TEX9: variants seen among roughly 807,000 people sequenced by gnomAD.
TEX9 encodes testis-expressed protein 9.
In TEX9, 74 loss-of-function variants were observed where a neutral mutation model predicts 59.6. That is an observed-to-expected ratio of 1.24 (90% CI 1.03 to 1.51). TEX9 has a LOEUF of 1.51. Among genes scored for constraint, TEX9 ranks in the 40% most tolerant of loss-of-function variants. The pLI, the probability that TEX9 is intolerant of heterozygous loss-of-function variation, is 0.00. For missense variants in TEX9, 522 were observed against 447.8 expected, an observed-to-expected ratio of 1.17 and a Z score of -1.49; for synonymous variants, 186 against 152.2, an observed-to-expected ratio of 1.22 and a Z score of -1.64.
chr15:56,342,650 C>CT (rs1359651622), intron 1 of TEX9, among the ~76,000 whole-genome samples: 1 of 152,098 alleles, frequency 6.6e-6, no homozygotes, highest in African/African-American at 2.4e-5. Flanking sequence ...CAGTAAAGAA[C>CT]TTTTTTAAAA....
At chr15:56,374,056 T>A (rs1384197127) in intron 3 of TEX9, 2 of 151,818 alleles carry the variant, frequency 1.3e-5, no homozygotes, top group Non-Finnish European at 2.9e-5. Context: ...TATAATTAGA[T>A]GTTTTACTAA....
intron 3 of TEX9, among the ~76,000 whole-genome samples, chr15:56,381,539 T>C (rs1188966011): frequency 6.6e-6 from 1 of 152,224 alleles, no homozygotes; most frequent in Admixed American, 6.5e-5. Context: ...CCAGTCTTTC[T>C]TGAGAAGGCT....
intron 10 of TEX9, among the ~76,000 whole-genome samples, chr15:56,424,716 T>C (rs1410078064): frequency 1.3e-5 from 2 of 152,192 alleles, no homozygotes; most frequent in African/African-American, 4.8e-5. Context: ...CAAAGATTTA[T>C]AGTATTTTTT....
chr15:56,460,009 A>AAATATATATAT, the TEX9 span, among the ~76,000 whole-genome samples: 6 of 26,404 alleles, frequency 2.3e-4, 1 homozygote, highest in Non-Finnish European at 4.2e-4. Context: ...AAAAAAAAAA[A>AAATATATATAT]ATACATATAT....
intron 2 of TEX9, among the ~76,000 whole-genome samples, chr15:56,372,124 G>A (rs1180946420): frequency 3.3e-5 from 5 of 151,574 alleles, no homozygotes; most frequent in Non-Finnish European, 1.5e-5. Context: ...CAGTCATCTT[G>A]GTCCACTATA....
chr15:56,340,210 A>AT (rs1490290449), intron 1 of TEX9, among the ~76,000 whole-genome samples: 1 of 152,318 alleles, frequency 6.6e-6, no homozygotes, highest in East Asian at 1.9e-4. Context: ...TTCAAGAAAC[A>AT]AATGTGAGGA....
At chr15:56,441,452 AT>A (rs1462836946) in intron 12 of TEX9, among the ~76,000 whole-genome samples, 4 of 152,170 alleles carry the variant, frequency 2.6e-5, no homozygotes, top group Admixed American at 2.6e-4. Flanking sequence ...TAGTCTATAG[AT>A]TAATGAGAAC....
chr15:56,342,345 G>A (rs1445679866), intron 1 of TEX9, among the ~76,000 whole-genome samples: 1 of 152,066 alleles, frequency 6.6e-6, no homozygotes, highest in Non-Finnish European at 1.5e-5. Context: ...ACAGCCACAT[G>A]GCTACCTCTA....
intron 9 of TEX9, among the ~76,000 whole-genome samples, chr15:56,398,655 G>A (rs11855094): frequency 0.46 from 70,248 of 151,908 alleles, 16,453 homozygotes; most frequent in South Asian, 0.64. Context: ...CTTATTTTCA[G>A]TTCCCATTTT....
chr15:56,395,621 C>T (rs1336356215), intron 9 of TEX9: 8 of 152,128 alleles, frequency 5.3e-5, no homozygotes, highest in African/African-American at 1.9e-4. Flanking sequence ...TTCTACACAT[C>T]CTCACCAACA....
exon 10 of TEX9, chr15:56,412,362 G>A (rs780746581): frequency 2.5e-6 from 4 of 1,613,552 alleles, no homozygotes; most frequent in South Asian, 2.2e-5. Context: ...TGCCACAGAG[G>A]TTCGCTTGAA....
At chr15:56,405,792 T>G (rs1185239364) in intron 9 of TEX9, among the ~76,000 whole-genome samples, 2 of 151,464 alleles carry the variant, frequency 1.3e-5, no homozygotes, top group African/African-American at 4.8e-5. Flanking sequence ...TGGACTTGCT[T>G]TTATAAATCT....
intron 1 of TEX9, among the ~76,000 whole-genome samples, chr15:56,316,907 G>C (rs1400378275): frequency 6.6e-5 from 10 of 152,176 alleles, no homozygotes; most frequent in Non-Finnish European, 1.2e-4. Flanking sequence ...GGAGTGACCC[G>C]ATTTTCCAGG....
At chr15:56,386,479 C>T (rs1463696172) in intron 4 of TEX9, among the ~76,000 whole-genome samples, 1 of 152,004 alleles carries the variant, frequency 6.6e-6, no homozygotes, top group Non-Finnish European at 1.5e-5. Context: ...AGTGCCAGTT[C>T]TAGCTACTGG....
chr15:56,327,839 G>A (rs1487396453), intron 1 of TEX9, among the ~76,000 whole-genome samples: 1 of 152,172 alleles, frequency 6.6e-6, no homozygotes, highest in East Asian at 1.9e-4. Flanking sequence ...TGGAACCTGA[G>A]TTCCAACATG....
At chr15:56,451,863 A>T in the TEX9 span, among the ~76,000 whole-genome samples, 1 of 152,214 alleles carries the variant, frequency 6.6e-6, no homozygotes, top group Non-Finnish European at 1.5e-5. Context: ...ACCTAAGCAT[A>T]TAAAGATTGC....
At chr15:56,365,471 T>G (rs757496258) in exon 1 of TEX9, 2 of 1,613,742 alleles carry the variant, frequency 1.2e-6, no homozygotes, top group African/African-American at 1.3e-5. Flanking sequence ...GAAGTCTGTG[T>G]CTCACGGTCA....
At chr15:56,411,245 T>C (rs1233342299) in intron 9 of TEX9, among the ~76,000 whole-genome samples, 4 of 152,204 alleles carry the variant, frequency 2.6e-5, no homozygotes, top group Admixed American at 6.5e-5. Flanking sequence ...CGTGTGTTAG[T>C]GTCTTTTATA....
intron 1 of TEX9, among the ~76,000 whole-genome samples, chr15:56,276,790 A>G (rs1473479350): frequency 2.0e-5 from 3 of 152,340 alleles, no homozygotes; most frequent in South Asian, 4.1e-4. Flanking sequence ...TTACACTCCT[A>G]CCAACAGTGT....
Sources: gnomAD v4.1 joint callset for allele counts (sites outside exome capture counted in the v4.1 genomes callset) on GRCh38, gnomAD v4.1.1 for gene constraint, MANE v1.5 for transcripts, NCBI Gene and HGNC (gene_info 2026-07-23, HGNC 2026-07-21) for gene names.